Variants in NUFIP2 observed in about 807,000 individuals in gnomAD.
NUFIP2 encodes the protein nuclear FMR1 interacting protein 2.
Under a neutral mutation model 56.9 loss-of-function variants are expected in NUFIP2, and 6 were observed. The ratio of observed to expected loss-of-function variants is 0.11; its 90% CI spans 0.06 to 0.21. The LOEUF is 0.21. Ranked by LOEUF, NUFIP2 falls within the 10% of genes least tolerant of loss-of-function variation. The pLI is 1.00. For missense variants in NUFIP2, 828 were observed against 826.8 expected (o/e 1.00, Z -0.02); for synonymous variants, 321 against 298.2 (o/e 1.08, Z -0.79).
rs766010795 is a variant in NUFIP2 at position 29,293,758 on chromosome 17, C to T, written c.277+25G>A. 16 of 912,458 alleles carry T rather than the reference C, an allele frequency of 1.8e-5. No homozygotes were observed. In the Middle Eastern group the frequency reaches 7.8e-4, roughly 44 times the overall value. 56.5% of individuals were successfully genotyped at this position (912,458 alleles called of 1,614,324 possible). A position where few individuals can be genotyped will look rare whatever the true frequency, so the allele number is the denominator to read the frequency against. The stretch of plus-strand genomic sequence containing the variant: ...CCTGTCCTCCACCCCCAACCCCCTT[C>T]CCCCACCCGTCCTCCCTCCCAGACC... On this transcript the variant is annotated intron_variant, in intron 1 of 3. Transcript: ENST00000225388.
chr17:29,287,703 T>C lies in NUFIP2; in HGVS notation c.291A>G (p.Leu97=). ...TTTCTCTTTCTCCAGCATTACCGTT[T>C]AGTTCACCATAGCCTAGGGGAGGGG... ...TPKKKTGYGE[L]NGNAGEREIS... is the part of the protein sequence containing the mutation. Residue 97 remains leucine, a synonymous_variant, in exon 2 of 4, where the codon CTA becomes CTG. Coordinates refer to ENST00000225388, the MANE Select transcript of NUFIP2 (RefSeq NM_020772.3). 2 of 1,605,434 alleles carry C rather than the reference T, an allele frequency of 1.2e-6. No homozygotes were observed. Among genetic ancestry groups the C allele is most frequent in the East Asian group, 2.2e-5 (1 of 44,744 alleles).
rs746659393 is a variant in NUFIP2 at position 29,287,368 on chromosome 17, T to A, written c.626A>T (p.Asn209Ile). The A allele has an allele frequency of 1.9e-6, 3 of 1,614,166 alleles. No individual in the cohort carries two copies. The highest frequency in any genetic ancestry group is 2.5e-6 in the Non-Finnish European group (3 of 1,180,024). ...TNGYMGKGAD[N>I]DGSGSESGYT... ...TCCGCTCTCAGATCCACTACCATCA[T>A]TATCTGCTCCTTTACCCATATAACC... is the stretch of plus-strand genomic sequence containing the variant. The change falls in exon 2 of 4, where the codon AAT (asparagine) becomes ATT (isoleucine). Residue 209 changes from asparagine (N) to isoleucine (I), a missense_variant. Physicochemically the swap from Asn to Ile is moderately radical, Grantham distance 149. This residue lies in a region of NUFIP2 where 415 missense variants were observed against 408.7 expected (regional missense o/e 1.02). Coordinates refer to ENST00000225388, the MANE Select transcript of NUFIP2 (RefSeq NM_020772.3).
intron 2 of NUFIP2, among the ~76,000 whole-genome samples, chr17:29,273,189 G>A (rs746711362): frequency 2.0e-5 from 3 of 151,974 alleles, no homozygotes; most frequent in African/African-American, 7.3e-5. Context: ...ACAGGTGCAC[G>A]TCACCATACC....
In NUFIP2 at chr17:29,293,946, G is replaced by A; in HGVS notation, c.114C>T (p.Phe38=). 1 of 1,613,354 alleles carries A rather than the reference G, an allele frequency of 6.2e-7. No individual in the cohort carries two copies. The highest frequency in any genetic ancestry group is 8.5e-7 in the Non-Finnish European group (1 of 1,179,414). ...GGTGGTGGTTGTGGCTGTGGTTGTA[G>A]AAATAATAATGGTGGTGGTGGTGCG... ...QQPHHHHHYY[F]YNHSHNHHHH... The change falls in exon 1 of 4, where the codon TTC becomes TTT. Residue 38 remains phenylalanine (F), a synonymous_variant. Coordinates refer to ENST00000225388, the MANE Select transcript of NUFIP2 (RefSeq NM_020772.3).
intron 1 of NUFIP2, among the ~76,000 whole-genome samples, chr17:29,292,686 G>C (rs928172968): frequency 6.7e-6 from 1 of 148,774 alleles, no homozygotes; most frequent in Non-Finnish European, 1.5e-5. Context: ...CTTCGAGGCC[G>C]GCTCCCCGCC....
chr17:29,280,880 C>T (rs958560609), intron 2 of NUFIP2, among the ~76,000 whole-genome samples: 46 of 144,766 alleles, frequency 3.2e-4, no homozygotes, highest in Non-Finnish European at 5.1e-4. Flanking sequence ...CCCAGTTACT[C>T]GGGAGGCTGA....
chr17:29,277,710 G>A (rs1205539472), intron 2 of NUFIP2, among the ~76,000 whole-genome samples: 2 of 152,162 alleles, frequency 1.3e-5, no homozygotes, highest in East Asian at 3.9e-4. Flanking sequence ...AATACCCAGA[G>A]AGAAATATAG....
chr17:29,273,462 A>G (rs2069088417), intron 2 of NUFIP2, among the ~76,000 whole-genome samples: 1 of 151,780 alleles, frequency 6.6e-6, no homozygotes, highest in African/African-American at 2.4e-5. Context: ...GTGAGCCATC[A>G]CGCCCAGCCT....
chr17:29,293,637 T>G (rs1018011640), intron 1 of NUFIP2, 146 bp downstream of exon 1: 1 of 873,266 alleles, frequency 1.1e-6, no homozygotes, highest in African/African-American at 1.7e-5. Flanking sequence ...GCCCGAGCTC[T>G]AGAATGAAAG....
chr17:29,287,678 T>C lies in NUFIP2; in HGVS notation c.316A>G (p.Ile106Val), dbSNP rs180989957. The C allele has an allele frequency of 8.7e-6, 14 of 1,612,200 alleles. No homozygotes were observed. The East Asian group carries it at 8.9e-5, about 10-fold the overall frequency. Reference protein sequence around the residue: ...ELNGNAGEREISLKNLSSDEA... With the variant: ...ELNGNAGEREVSLKNLSSDEA... ...TCAGAACTCAGGTTCTTTAAAGATA[T>C]TTCTCTTTCTCCAGCATTACCGTTT... Residue 106 changes from isoleucine to valine, a missense_variant, in exon 2 of 4, where the codon ATA (isoleucine) becomes GTA (valine). Coordinates refer to ENST00000225388, the MANE Select transcript of NUFIP2 (RefSeq NM_020772.3).
intron 3 of NUFIP2, among the ~76,000 whole-genome samples, chr17:29,265,651 T>C (rs2069031321): frequency 6.9e-6 from 1 of 145,172 alleles, no homozygotes; most frequent in Non-Finnish European, 1.5e-5. Flanking sequence ...TTATATTATA[T>C]ATATACACAC....
intron 2 of NUFIP2, among the ~76,000 whole-genome samples, chr17:29,281,329 T>A (rs1598433702): frequency 6.9e-6 from 1 of 145,576 alleles, no homozygotes; most frequent in East Asian, 2.1e-4. Flanking sequence ...CTCAAAAAAA[T>A]AAAAATAAAA....
rs1039948435 is a variant in NUFIP2, at chr17:29,294,113, T to C, written c.-54A>G. 36 of 1,542,256 alleles carry C rather than the reference T, an allele frequency of 2.3e-5. No homozygotes were observed. The highest frequency in any genetic ancestry group is 1.1e-4 in the South Asian group (9 of 81,224). ...GCTGCGGGCTGCTGCACCGTCAGGA[T>C]CTGAGACTGCTTCTCAGGGCTCACT... On this transcript the variant is annotated 5_prime_UTR_variant, in exon 1 of 4. Transcript: ENST00000225388.
At chr17:29,285,942 T>G (rs747556334) in intron 2 of NUFIP2, 50 bp downstream of exon 2, 1 of 1,344,256 alleles carries the variant, frequency 7.4e-7, no homozygotes, top group Non-Finnish European at 1.0e-6. Flanking sequence ...ATATAAACAA[T>G]ATACTAAATT....
intron 2 of NUFIP2, among the ~76,000 whole-genome samples, chr17:29,281,499 AAG>A (rs2069139169): frequency 6.6e-6 from 1 of 151,642 alleles, no homozygotes; most frequent in African/African-American, 2.4e-5. Context: ...CTCAAAAAAA[AAG>A]AGAAAAGTTA....
At chr17:29,279,501 C>T (rs2069127566) in intron 2 of NUFIP2, among the ~76,000 whole-genome samples, 1 of 152,080 alleles carries the variant, frequency 6.6e-6, no homozygotes, top group Non-Finnish European at 1.5e-5. Context: ...ATTAATCTAC[C>T]TCAACACAGA....
intron 2 of NUFIP2, among the ~76,000 whole-genome samples, chr17:29,268,621 G>T (rs981385314): frequency 5.3e-5 from 8 of 152,046 alleles, no homozygotes; most frequent in Non-Finnish European, 7.4e-5. Context: ...GGGTTCAAGC[G>T]ATTCTCCTGC....
intron 2 of NUFIP2, among the ~76,000 whole-genome samples, chr17:29,277,182 G>C (rs2069113152): frequency 6.6e-6 from 1 of 151,970 alleles, no homozygotes; most frequent in African/African-American, 2.4e-5. Flanking sequence ...GTGCCACCAT[G>C]CCCGGCTCAT....
At chr17:29,291,858 T>C (rs188247536) in intron 1 of NUFIP2, among the ~76,000 whole-genome samples, 1 of 152,338 alleles carries the variant, frequency 6.6e-6, no homozygotes. Context: ...TTGCATACTA[T>C]CGGGTCCCTA....
Sources: gnomAD v4.1 joint callset for allele counts (sites outside exome capture counted in the v4.1 genomes callset) on GRCh38, gnomAD v4.1.1 for gene constraint, gnomAD v4.1.1 regional missense constraint, MANE v1.5 for transcripts, NCBI Gene and HGNC (gene_info 2026-07-23, HGNC 2026-07-21) for gene names.